The following SEMA4D variants were observed in gnomAD, a reference collection of about 807,000 sequenced individuals.
SEMA4D encodes semaphorin 4D.
Under a neutral mutation model 74.8 loss-of-function variants are expected in SEMA4D, and 22 were observed. That is an observed-to-expected ratio of 0.29 (90% CI 0.21 to 0.42). The LOEUF is 0.42. Ranked by LOEUF, SEMA4D falls within the 10% of genes least tolerant of loss-of-function variation. SEMA4D has a pLI of 1.00. For synonymous variants in SEMA4D, 445 were observed against 463.7 expected, an observed-to-expected ratio of 0.96 and a Z score of 0.52; for missense variants, 937 against 1,118.4, an observed-to-expected ratio of 0.84 and a Z score of 2.31.
chr9:89,446,974 C>T (rs1564819130), intron 2 of SEMA4D, among the ~76,000 whole-genome samples: 1 of 152,182 alleles, frequency 6.6e-6, no homozygotes, highest in Admixed American at 6.5e-5. Context: ...TCTCCAGATG[C>T]CTTCCCTTCC....
rs1824658118 is a variant in SEMA4D at position 89,481,365 on chromosome 9, G to A, written c.-310+16554C>T. Among the ~76,000 whole-genome samples the A allele has an allele frequency of 2.6e-5, 4 of 152,196 alleles. No homozygotes were observed. In the South Asian group the frequency reaches 8.3e-4, roughly 31 times the overall value. The stretch of plus-strand genomic sequence containing the variant: ...AGAGGAGAGGGTTCACAGCAGGACT[G>A]GAAACAGGGTGCCACGTGGGAGGTC... On this transcript the variant is annotated intron_variant, in intron 1 of 15. Coordinates refer to ENST00000422704, the MANE Select transcript of SEMA4D (RefSeq NM_001371194.2).
chr9:89,371,467 G>GTGTC (rs1834764617), intron 16 of SEMA4D, among the ~76,000 whole-genome samples: 3 of 100,272 alleles, frequency 3.0e-5, no homozygotes, highest in African/African-American at 1.2e-4. Flanking sequence ...GGGTGTGTGT[G>GTGTC]TGGGGTGTGA....
intron 6 of SEMA4D, among the ~76,000 whole-genome samples, chr9:89,396,167 A>C (rs1488390264): frequency 6.6e-6 from 1 of 152,118 alleles, no homozygotes; most frequent in Non-Finnish European, 1.5e-5. Flanking sequence ...GCTGCCCCTG[A>C]GTGGGTGGAC....
intron 2 of SEMA4D, chr9:89,449,546 G>A (rs1853830199): frequency 3.9e-6 from 3 of 776,352 alleles, no homozygotes; most frequent in Middle Eastern, 3.6e-4. Flanking sequence ...CTGCAGTGGT[G>A]GTGGCAGGAA....
At chr9:89,465,244 C>G (rs1373961610) in intron 1 of SEMA4D, among the ~76,000 whole-genome samples, 1 of 152,152 alleles carries the variant, frequency 6.6e-6, no homozygotes, top group East Asian at 1.9e-4. Context: ...CCGCGGAGAA[C>G]AGACAAGAGG....
At chr9:89,406,200 C>T (rs1180223172) in intron 2 of SEMA4D, among the ~76,000 whole-genome samples, 3 of 152,148 alleles carry the variant, frequency 2.0e-5, no homozygotes, top group South Asian at 2.1e-4. Flanking sequence ...ACAACATATG[C>T]GCACACATAT....
chr9:89,475,709 G>C (rs1012000223), intron 1 of SEMA4D, among the ~76,000 whole-genome samples: 1 of 152,166 alleles, frequency 6.6e-6, no homozygotes, highest in Non-Finnish European at 1.5e-5. Flanking sequence ...GACTGTTTAC[G>C]GTAGAATTCA....
intron 1 of SEMA4D, among the ~76,000 whole-genome samples, chr9:89,483,140 T>C (rs1588182869): frequency 6.6e-6 from 1 of 152,294 alleles, no homozygotes; most frequent in South Asian, 2.1e-4. Context: ...AACTGGAACA[T>C]GAGGATGGCA....
At chr9:89,445,560 T>G (rs73486202) in intron 2 of SEMA4D, among the ~76,000 whole-genome samples, 5,116 of 152,274 alleles carry the variant, frequency 0.034, 177 homozygotes, top group Middle Eastern at 0.088. Flanking sequence ...TTTGTGGTTC[T>G]TTGGTTAGTC....
chr9:89,396,948 G>T, intron 5 of SEMA4D, 113 bp from the exon 6 acceptor site: 1 of 938,896 alleles, frequency 1.1e-6, no homozygotes, highest in Non-Finnish European at 1.6e-6. Context: ...ACCAACACCA[G>T]CTCACAGGTG....
At chr9:89,404,198 G>C (rs1842789520) in intron 3 of SEMA4D, among the ~76,000 whole-genome samples, 1 of 152,224 alleles carries the variant, frequency 6.6e-6, no homozygotes, top group Admixed American at 6.5e-5. Context: ...GAAAGTAGCT[G>C]GCATGAGGCT....
chr9:89,452,617 A>G (rs1174439089), intron 2 of SEMA4D, among the ~76,000 whole-genome samples: 1 of 151,820 alleles, frequency 6.6e-6, no homozygotes, highest in African/African-American at 2.4e-5. Flanking sequence ...ACGCCCGGCT[A>G]ATTTTTGTAT....
At chr9:89,377,131 A>C, downstream of SEMA4D, 1 of 1,457,966 alleles carries the variant, frequency 6.9e-7, no homozygotes, top group Middle Eastern at 2.3e-4. Context: ...GAGAGGGCAA[A>C]ACACAGCAGG....
chr9:89,446,432 A>G (rs1852868641), intron 2 of SEMA4D, among the ~76,000 whole-genome samples: 1 of 151,882 alleles, frequency 6.6e-6, no homozygotes, highest in African/African-American at 2.4e-5. Flanking sequence ...ACCAAAGAAC[A>G]AAAAAAACCC....
intron 2 of SEMA4D, among the ~76,000 whole-genome samples, chr9:89,406,886 A>C (rs1843427400): frequency 6.6e-6 from 1 of 152,044 alleles, no homozygotes; most frequent in Admixed American, 6.5e-5. Context: ...CTTCCAGCCA[A>C]TTCCTACAGT....
In SEMA4D at chr9:89,415,624, C is replaced by T. The variant is rs375894728; in HGVS notation, c.-243-9925G>A. Among the ~76,000 whole-genome samples, 9 of 152,332 alleles carry T rather than the reference C, an allele frequency of 5.9e-5. No homozygotes were observed. The South Asian group carries it at 1.9e-3, about 32-fold the overall frequency. On this transcript the variant is annotated intron_variant, in intron 2 of 15. Transcript: ENST00000422704. ...CCTCAACCATGTGAGAAGACGCTGT[C>T]TATGAACCAGGAGGAGGGCCTTCAC...
chr9:89,483,234 G>A (rs1346834554), intron 1 of SEMA4D, among the ~76,000 whole-genome samples: 1 of 152,226 alleles, frequency 6.6e-6, no homozygotes, highest in Non-Finnish European at 1.5e-5. Context: ...GAGCCAGGCG[G>A]CTTCCCAGGA....
chr9:89,397,543 A>G (rs1040302346), intron 5 of SEMA4D, among the ~76,000 whole-genome samples: 1 of 152,226 alleles, frequency 6.6e-6, no homozygotes, highest in African/African-American at 2.4e-5. Context: ...CCACTATTTT[A>G]GGCTAAAAGT....
At chr9:89,437,696 T>C (rs1023394341) in intron 2 of SEMA4D, among the ~76,000 whole-genome samples, 5 of 152,042 alleles carry the variant, frequency 3.3e-5, no homozygotes, top group African/African-American at 1.2e-4. Context: ...GGCTGATGTG[T>C]CCAGGTGCTA....
Sources: allele counts gnomAD v4.1 joint callset (sites outside exome capture counted in the v4.1 genomes callset), GRCh38; gene constraint gnomAD v4.1.1; transcripts MANE v1.5; gene names NCBI Gene and HGNC (gene_info 2026-07-23, HGNC 2026-07-21).